Variants in CADM2 observed in about 807,000 individuals in gnomAD.
CADM2 encodes the protein immunoglobulin superfamily member 4D.
A neutral mutation model predicts 49.8 loss-of-function variants in CADM2; 12 were observed. The observed-to-expected ratio is 0.24, with a 90% CI of 0.15 to 0.39. CADM2 has a LOEUF of 0.39. Among genes scored for constraint, CADM2 ranks in the 10% least tolerant of loss-of-function variants. The probability of loss-of-function intolerance (pLI) is 1.00; values close to 1 mark genes in which losing one functional copy is unlikely to be tolerated. For missense variants in CADM2, 378 were observed against 492.3 expected (o/e 0.77, Z 2.20); for synonymous variants, 214 against 175.4 (o/e 1.22, Z -1.74).
At chr3:85,129,453 T>G (rs1401993397) in intron 1 of CADM2, among the ~76,000 whole-genome samples, 1 of 152,200 alleles carries the variant, frequency 6.6e-6, no homozygotes, top group East Asian at 1.9e-4. Context: ...TCTCTTTCTT[T>G]CCTGTAATTG....
intron 1 of CADM2, among the ~76,000 whole-genome samples, chr3:85,669,389 G>T (rs2065669916): frequency 6.6e-6 from 1 of 152,070 alleles, no homozygotes; most frequent in Non-Finnish European, 1.5e-5. Context: ...AAGGTTAAAG[G>T]TCATTTTGTA....
intron 2 of CADM2, among the ~76,000 whole-genome samples, chr3:85,738,013 T>A (rs1250498212): frequency 6.6e-6 from 1 of 152,154 alleles, no homozygotes. Context: ...GCATGCTGTC[T>A]AGAGACAAGG....
intron 8 of CADM2, among the ~76,000 whole-genome samples, chr3:86,028,461 T>G (rs1734182864): frequency 6.6e-6 from 1 of 152,130 alleles, no homozygotes; most frequent in Non-Finnish European, 1.5e-5. Flanking sequence ...ATAAAAAAAG[T>G]GTTTGCAAAA....
At chr3:85,204,944 T>A (rs1473612913) in intron 1 of CADM2, among the ~76,000 whole-genome samples, 1 of 151,660 alleles carries the variant, frequency 6.6e-6, no homozygotes, top group Non-Finnish European at 1.5e-5. Context: ...ATGTAATTAA[T>A]AATGAATTTA....
chr3:84,998,267 T>C (rs2033278002), intron 1 of CADM2, among the ~76,000 whole-genome samples: 1 of 152,124 alleles, frequency 6.6e-6, no homozygotes, highest in African/African-American at 2.4e-5. Flanking sequence ...TTAGAATGGC[T>C]TTATAAACAT....
chr3:85,216,609 G>A (rs1366515115), intron 1 of CADM2, among the ~76,000 whole-genome samples: 1 of 151,916 alleles, frequency 6.6e-6, no homozygotes, highest in East Asian at 1.9e-4. Context: ...TCATCTCATT[G>A]TCACCATTGT....
chr3:85,646,699 C>G (rs2064895408), intron 1 of CADM2, among the ~76,000 whole-genome samples: 1 of 151,852 alleles, frequency 6.6e-6, no homozygotes, highest in Admixed American at 6.6e-5. Context: ...AATAGTAGTC[C>G]TTCTGGTTAC....
chr3:85,748,551 A>G (rs929726131), intron 2 of CADM2, among the ~76,000 whole-genome samples: 1 of 152,064 alleles, frequency 6.6e-6, no homozygotes, highest in Non-Finnish European at 1.5e-5. Context: ...TGCAAATAGG[A>G]TGGAGAAGAC....
intron 3 of CADM2, among the ~76,000 whole-genome samples, chr3:85,881,120 G>T (rs983315347): frequency 6.6e-6 from 1 of 151,918 alleles, no homozygotes; most frequent in Non-Finnish European, 1.5e-5. Context: ...TATTCAGATT[G>T]GGTGAATTCT....
chr3:85,995,713 A>G (rs1308040321), intron 8 of CADM2, among the ~76,000 whole-genome samples: 1 of 152,178 alleles, frequency 6.6e-6, no homozygotes, highest in Non-Finnish European at 1.5e-5. Flanking sequence ...TTTTATATAG[A>G]AAGTCTTCAG....
chr3:85,851,556 T>C (rs145735008), intron 3 of CADM2, among the ~76,000 whole-genome samples: 9 of 151,288 alleles, frequency 5.9e-5, no homozygotes, highest in African/African-American at 2.2e-4. Context: ...ACTTTATCAT[T>C]TTTCATGAAT....
intron 1 of CADM2, among the ~76,000 whole-genome samples, chr3:85,335,128 A>G (rs2045042984): frequency 6.6e-6 from 1 of 151,490 alleles, no homozygotes; most frequent in South Asian, 2.1e-4. Context: ...TTGTCCTCTC[A>G]AAAAAACAAA....
chr3:85,171,666 C>T (rs932503843), intron 1 of CADM2, among the ~76,000 whole-genome samples: 5 of 152,058 alleles, frequency 3.3e-5, no homozygotes, highest in Non-Finnish European at 4.4e-5. Flanking sequence ...TTGGCAACCC[C>T]CTATCAGTAG....
intron 1 of CADM2, among the ~76,000 whole-genome samples, chr3:85,295,795 G>A (rs927131090): frequency 1.3e-5 from 2 of 152,012 alleles, no homozygotes; most frequent in Non-Finnish European, 2.9e-5. Context: ...GGGGAGAGGG[G>A]AGGGATAGCA....
chr3:85,974,611 C>A (rs1726549425), intron 8 of CADM2, among the ~76,000 whole-genome samples: 1 of 151,510 alleles, frequency 6.6e-6, no homozygotes, highest in African/African-American at 2.4e-5. Flanking sequence ...TAGCCATGGT[C>A]CTGTAAACAG....
chr3:85,827,790 C>T (rs374368290), intron 3 of CADM2, among the ~76,000 whole-genome samples: 12 of 151,868 alleles, frequency 7.9e-5, no homozygotes, highest in African/African-American at 2.9e-4. Flanking sequence ...AAATTTTTCT[C>T]TCATATATCG....
intron 1 of CADM2, among the ~76,000 whole-genome samples, chr3:85,562,375 G>C (rs1403055543): frequency 6.6e-6 from 1 of 151,140 alleles, no homozygotes; most frequent in Non-Finnish European, 1.5e-5. Context: ...CTACTCGGGA[G>C]GCTGAGGCAG....
At chr3:85,921,238 A>C (rs1466926131) in intron 6 of CADM2, among the ~76,000 whole-genome samples, 1 of 151,984 alleles carries the variant, frequency 6.6e-6, no homozygotes, top group Admixed American at 6.6e-5. Context: ...TTTTTGTATT[A>C]AAAATGAGTA....
intron 1 of CADM2, among the ~76,000 whole-genome samples, chr3:85,052,444 T>C (rs2035916258): frequency 6.6e-6 from 1 of 152,120 alleles, no homozygotes; most frequent in African/African-American, 2.4e-5. Flanking sequence ...TTGACAAAAT[T>C]AAATTGAGTG....
Sources: gnomAD v4.1 joint callset for allele counts (sites outside exome capture counted in the v4.1 genomes callset) on GRCh38, gnomAD v4.1.1 for gene constraint, MANE v1.5 for transcripts, NCBI Gene and HGNC (gene_info 2026-07-23, HGNC 2026-07-21) for gene names.